The following DCLK1 variants were observed in gnomAD, a reference collection of about 807,000 sequenced individuals.
The protein encoded by DCLK1 is doublecortin like kinase 1.
In DCLK1, 16 loss-of-function variants were observed where a neutral mutation model predicts 86.2. The observed-to-expected ratio is 0.19, with a 90% CI of 0.13 to 0.28. The LOEUF is 0.28. Ranked by LOEUF, DCLK1 falls within the 10% of genes least tolerant of loss-of-function variation. The pLI is 1.00. For synonymous variants in DCLK1, 369 were observed against 370.5 expected, an observed-to-expected ratio of 1.00 and a Z score of 0.05; for missense variants, 590 against 940.2, an observed-to-expected ratio of 0.63 and a Z score of 4.87.
intron 3 of DCLK1, among the ~76,000 whole-genome samples, chr13:36,008,179 T>TC (rs1183924347): frequency 1.4e-5 from 2 of 139,988 alleles, no homozygotes; most frequent in Non-Finnish European, 3.1e-5. Context: ...ATCTTTTTTT[T>TC]TTCAGAGTCC....
chr13:35,791,907 A>G (rs1197252798), intron 16 of DCLK1, among the ~76,000 whole-genome samples: 4 of 152,224 alleles, frequency 2.6e-5, no homozygotes, highest in Admixed American at 2.6e-4. Flanking sequence ...GAATAGACAT[A>G]TATCTTGAAC....
At chr13:35,863,980 G>A (rs192207892) in intron 5 of DCLK1, among the ~76,000 whole-genome samples, 81 of 152,278 alleles carry the variant, frequency 5.3e-4, no homozygotes, top group African/African-American at 1.8e-3. Context: ...ATGGTGCTTC[G>A]TCATGGTAGA....
At chr13:35,914,543 C>G (rs1875292142) in intron 4 of DCLK1, among the ~76,000 whole-genome samples, 1 of 150,270 alleles carries the variant, frequency 6.7e-6, no homozygotes, top group African/African-American at 2.4e-5. Flanking sequence ...ATGGCAAGAC[C>G]CTGTCTCTAC....
At chr13:36,015,710 A>G (rs1020985653) in intron 3 of DCLK1, among the ~76,000 whole-genome samples, 5 of 152,046 alleles carry the variant, frequency 3.3e-5, no homozygotes, top group African/African-American at 1.2e-4. Context: ...CCTGGAATCC[A>G]TTTCTTTCTT....
chr13:35,808,463 A>C (rs9565571), intron 13 of DCLK1, 143 bp from the exon 14 acceptor site: 1 of 757,458 alleles, frequency 1.3e-6, no homozygotes. Context: ...AAAAATGTCA[A>C]TGTGGATCTG....
At chr13:35,889,235 C>A (rs1396013911) in intron 4 of DCLK1, among the ~76,000 whole-genome samples, 1 of 152,194 alleles carries the variant, frequency 6.6e-6, no homozygotes, top group South Asian at 2.1e-4. Context: ...CATGTTCATA[C>A]ACAGAAAATA....
At position 35,934,611 on chromosome 13, in the gene DCLK1, G is replaced by A. The variant is rs141709993; in HGVS notation, c.823+12747C>T. Reference sequence around the variant, plus strand: ...GCAGTATTGGGGAAACTGCACCCACGATTCAATTATCTCTCACTGGGTCCC... The same window carrying A: ...GCAGTATTGGGGAAACTGCACCCACAATTCAATTATCTCTCACTGGGTCCC... On this transcript the variant is annotated intron_variant, in intron 4 of 16. Transcript: ENST00000360631. Among the ~76,000 whole-genome samples the A allele has an allele frequency of 3.0e-4, 46 of 152,274 alleles. No individual in the cohort carries two copies. In the East Asian group the frequency reaches 8.1e-3, roughly 27 times the overall value.
chr13:35,927,098 A>G (rs1839012317), intron 4 of DCLK1, among the ~76,000 whole-genome samples: 1 of 152,230 alleles, frequency 6.6e-6, no homozygotes, highest in Non-Finnish European at 1.5e-5. Context: ...GTGAAATGAA[A>G]GAACTGAACT....
intron 3 of DCLK1, among the ~76,000 whole-genome samples, chr13:36,064,600 A>T (rs1046926744): frequency 6.6e-6 from 1 of 151,908 alleles, no homozygotes; most frequent in African/African-American, 2.4e-5. Context: ...CAGAAGTTGC[A>T]GTGAGCTGAG....
In DCLK1 at chr13:35,828,305, G is replaced by T; in HGVS notation, c.1232C>A (p.Ser411Ter). 1 of 1,604,206 alleles carries T rather than the reference G, an allele frequency of 6.2e-7. No homozygotes were observed. Among genetic ancestry groups the T allele is most frequent in the South Asian group, 1.1e-5 (1 of 89,342 alleles). Residue 411 changes from serine to a stop codon, truncating the protein, a stop_gained and splice_region_variant, in exon 9 of 17, where the codon TCG becomes TAG. Coordinates refer to ENST00000360631, the MANE Select transcript of DCLK1 (RefSeq NM_001330071.2). LOFTEE classifies it high-confidence loss of function. ...FAVVKECVERSTAREYALKII... is the reference protein window; with the variant it reads ...FAVVKECVER Reference sequence around the variant, plus strand: ...TTTCAGAGCATACTCTCTAGCAGTCGATCTGCGAAGAGAAAGTTCATGTTT... The same window carrying T: ...TTTCAGAGCATACTCTCTAGCAGTCTATCTGCGAAGAGAAAGTTCATGTTT...
At chr13:35,957,870 C>G (rs1379804318) in intron 3 of DCLK1, among the ~76,000 whole-genome samples, 2 of 72,316 alleles carry the variant, frequency 2.8e-5, no homozygotes, top group Admixed American at 1.3e-4. Context: ...CAACAACAAT[C>G]CCACAAAGCT....
chr13:36,105,708 C>A (rs1040527346), intron 3 of DCLK1, among the ~76,000 whole-genome samples: 5 of 152,190 alleles, frequency 3.3e-5, no homozygotes, highest in African/African-American at 9.7e-5. Context: ...CTTAACTAAT[C>A]AGTAAGTTGG....
At chr13:36,117,769 T>G (rs1461825706) in intron 2 of DCLK1, among the ~76,000 whole-genome samples, 6 of 152,188 alleles carry the variant, frequency 3.9e-5, no homozygotes, top group Admixed American at 3.9e-4. Context: ...GAAAGAAACC[T>G]AAGTCAGGAG....
chr13:36,088,711 G>A (rs1192238656), intron 3 of DCLK1, among the ~76,000 whole-genome samples: 1 of 152,182 alleles, frequency 6.6e-6, no homozygotes, highest in East Asian at 1.9e-4. Context: ...TGAGATTCCA[G>A]GGAGGGTGGA....
At chr13:35,877,118 C>G (rs1306063627) in intron 4 of DCLK1, among the ~76,000 whole-genome samples, 1 of 152,254 alleles carries the variant, frequency 6.6e-6, no homozygotes. Context: ...TCATTCCCCA[C>G]ACGATCTATA....
chr13:35,936,565 C>G (rs539504346), intron 4 of DCLK1, among the ~76,000 whole-genome samples: 3 of 152,330 alleles, frequency 2.0e-5, no homozygotes, highest in African/African-American at 7.2e-5. Context: ...CTCCCCTTCA[C>G]CTCAATAGGG....
intron 15 of DCLK1, among the ~76,000 whole-genome samples, chr13:35,798,874 T>C (rs1246289720): frequency 1.3e-5 from 2 of 152,220 alleles, no homozygotes; most frequent in African/African-American, 4.8e-5. Context: ...ATGGAATATC[T>C]TGGGAGATTA....
In DCLK1 at chr13:35,878,294, T is replaced by C. The variant is rs1192666994; in HGVS notation, c.824-6954A>G. Reference sequence around the variant, plus strand: ...ACAGGAAAATCCACATGTAGGCTTCTTGAGGAAAGGATGGGCCTGCATCTA... The same window carrying C: ...ACAGGAAAATCCACATGTAGGCTTCCTGAGGAAAGGATGGGCCTGCATCTA... On this transcript the variant is annotated intron_variant, in intron 4 of 16. Coordinates refer to ENST00000360631, the MANE Select transcript of DCLK1 (RefSeq NM_001330071.2). Among the ~76,000 whole-genome samples, 9 of 152,336 alleles carry C rather than the reference T, an allele frequency of 5.9e-5. No homozygotes were observed. The East Asian group carries it at 9.6e-4, about 16-fold the overall frequency.
At chr13:35,804,967 G>A (rs1021161413) in intron 15 of DCLK1, among the ~76,000 whole-genome samples, 5 of 152,196 alleles carry the variant, frequency 3.3e-5, no homozygotes, top group African/African-American at 1.2e-4. Flanking sequence ...TGATTTGTGA[G>A]CACATTCAAG....
Sources: gnomAD v4.1 joint callset for allele counts (sites outside exome capture counted in the v4.1 genomes callset) on GRCh38, gnomAD v4.1.1 for gene constraint, MANE v1.5 for transcripts, NCBI Gene and HGNC (gene_info 2026-07-23, HGNC 2026-07-21) for gene names.